The following BMPR1B variants were observed in gnomAD, a reference collection of about 807,000 sequenced individuals.
BMPR1B encodes bone morphogenetic protein receptor type 1B.
Under a neutral mutation model 59.1 loss-of-function variants are expected in BMPR1B, and 12 were observed. That is an observed-to-expected ratio of 0.20 (90% confidence interval 0.13 to 0.33). The LOEUF (loss-of-function observed/expected upper bound fraction) is 0.33. BMPR1B is among the 10% of genes least tolerant of loss of function. The probability of loss-of-function intolerance (pLI) is 1.00; values close to 1 mark genes in which losing one functional copy is unlikely to be tolerated. For missense variants in BMPR1B, 550 were observed against 610.9 expected (o/e 0.90, Z 1.05); for synonymous variants, 237 against 207.3 (o/e 1.14, Z -1.23).
chr4:94,975,735 T>G (rs143075045), intron 2 of BMPR1B, among the ~76,000 whole-genome samples: 1 of 152,320 alleles, frequency 6.6e-6, no homozygotes, highest in East Asian at 1.9e-4. Flanking sequence ...TGTTTTGGTT[T>G]TATTTCATGA....
At chr4:95,091,452 A>G (rs778787864) in intron 3 of BMPR1B, 4 of 985,238 alleles carry the variant, frequency 4.1e-6, no homozygotes, top group Non-Finnish European at 4.8e-6. Context: ...TGTATTAGGC[A>G]ACCACAGTCT....
intron 3 of BMPR1B, among the ~76,000 whole-genome samples, chr4:95,027,684 A>G (rs774317804): frequency 1.2e-4 from 18 of 152,204 alleles, no homozygotes; most frequent in Non-Finnish European, 2.2e-4. Flanking sequence ...TATCTTAAAT[A>G]TAATAGAACT....
At chr4:94,839,201 AGGTGT>A (rs1442602427) in intron 1 of BMPR1B, among the ~76,000 whole-genome samples, 3 of 128,098 alleles carry the variant, frequency 2.3e-5, no homozygotes, top group Admixed American at 7.9e-5. Flanking sequence ...ATTTTGGAAT[AGGTGT>A]GGTGTGGTGC....
At chr4:94,830,082 G>A (rs1222844523) in intron 1 of BMPR1B, among the ~76,000 whole-genome samples, 1 of 152,036 alleles carries the variant, frequency 6.6e-6, no homozygotes, top group African/African-American at 2.4e-5. Flanking sequence ...AGCTAGTTCT[G>A]ATAAGTAATA....
chr4:94,904,563 T>A (rs1356414369), intron 2 of BMPR1B, among the ~76,000 whole-genome samples: 1 of 152,052 alleles, frequency 6.6e-6, no homozygotes, highest in East Asian at 1.9e-4. Context: ...GATTTGTGAA[T>A]TACCTGTAAG....
At chr4:95,010,510 G>A (rs1723144119) in intron 3 of BMPR1B, among the ~76,000 whole-genome samples, 1 of 152,066 alleles carries the variant, frequency 6.6e-6, no homozygotes, top group Non-Finnish European at 1.5e-5. Flanking sequence ...GCTCTCATTA[G>A]TTGTCCCACT....
intron 2 of BMPR1B, among the ~76,000 whole-genome samples, chr4:94,970,640 T>C (rs979896799): frequency 6.6e-6 from 1 of 152,174 alleles, no homozygotes; most frequent in African/African-American, 2.4e-5. Flanking sequence ...AAGTTTTTTT[T>C]ATTTTTAATT....
rs75374833 is a variant in BMPR1B, at chr4:95,067,846, G to A, written c.-17-36562G>A. The stretch of plus-strand genomic sequence containing the variant: ...GAAAACATTCCCAGATGGAGGTCGC[G>A]GGGGCAAACAAATACAAAGAATACT... On this transcript the variant is annotated intron_variant, in intron 3 of 12. Transcript: ENST00000515059. 3.0e-3 allele frequency among the ~76,000 whole-genome samples: 452 copies of A among 152,232 alleles called. 1 individual carries two copies. The highest frequency in any genetic ancestry group is 0.01 in the African/African-American group (434 of 41,534).
At chr4:94,992,489 T>G (rs1010885779) in intron 2 of BMPR1B, among the ~76,000 whole-genome samples, 10 of 152,202 alleles carry the variant, frequency 6.6e-5, no homozygotes, top group Non-Finnish European at 1.3e-4. Context: ...GACAAGCCAC[T>G]TAGTAACACT....
intron 1 of BMPR1B, among the ~76,000 whole-genome samples, chr4:94,872,052 A>C (rs982537426): frequency 6.6e-6 from 1 of 152,228 alleles, no homozygotes; most frequent in Non-Finnish European, 1.5e-5. Flanking sequence ...TCTTAATGCT[A>C]TCTTTATAAT....
intron 1 of BMPR1B, among the ~76,000 whole-genome samples, chr4:94,838,595 C>A (rs201278003): frequency 7.2e-6 from 1 of 138,976 alleles, no homozygotes; most frequent in Non-Finnish European, 1.6e-5. Context: ...TCTGTTGGAT[C>A]GGTGGTGATA....
chr4:94,872,663 G>A (rs1486985305), intron 1 of BMPR1B, among the ~76,000 whole-genome samples: 7 of 152,140 alleles, frequency 4.6e-5, no homozygotes, highest in Non-Finnish European at 1.0e-4. Flanking sequence ...TGGGAGGATC[G>A]CTTGAGCCTG....
chr4:94,970,305 T>TCTTCTCTTCC lies in BMPR1B; in HGVS notation c.-112-25735_-112-25734insCTTCTCTTCC, dbSNP rs61339660. Among the ~76,000 whole-genome samples, 21 of 122,958 alleles carry TCTTCTCTTCC rather than the reference T, an allele frequency of 1.7e-4. 1 individual carries two copies. The highest frequency in any genetic ancestry group is 6.5e-4 in the African/African-American group (21 of 32,112). 80.7% of individuals were successfully genotyped at this position (122,958 alleles called of 152,430 possible). A position where few individuals can be genotyped will look rare whatever the true frequency, so the allele number is the denominator to read the frequency against. ...TCTTCTCTTCTCTTCTCTTCTCTTC[T>TCTTCTCTTCC]TTCTCTCTCTCTTTCTCTCTTTTTC... On this transcript the variant is annotated intron_variant, in intron 2 of 12. Coordinates refer to ENST00000515059, the MANE Select transcript of BMPR1B (RefSeq NM_001203.3).
intron 3 of BMPR1B, among the ~76,000 whole-genome samples, chr4:95,042,578 A>G (rs1332858211): frequency 3.9e-5 from 6 of 152,192 alleles, no homozygotes; most frequent in African/African-American, 1.4e-4. Flanking sequence ...TTGAAATCCA[A>G]AGCAGTTCTG....
At chr4:94,871,146 A>G (rs1213907131) in intron 1 of BMPR1B, among the ~76,000 whole-genome samples, 5 of 152,202 alleles carry the variant, frequency 3.3e-5, no homozygotes, top group African/African-American at 9.6e-5. Context: ...GCCCGATGTC[A>G]CACAGCCAGT....
At chr4:95,143,706 A>G (rs1009761759) in intron 10 of BMPR1B, among the ~76,000 whole-genome samples, 3 of 152,188 alleles carry the variant, frequency 2.0e-5, no homozygotes, top group Non-Finnish European at 4.4e-5. Context: ...AAATAATCCT[A>G]GCTGAGAGCA....
intron 2 of BMPR1B, among the ~76,000 whole-genome samples, chr4:94,979,789 C>T (rs1731163907): frequency 6.6e-6 from 1 of 152,200 alleles, no homozygotes; most frequent in South Asian, 2.1e-4. Context: ...TTCTTGGCCA[C>T]ACCAGCTTGG....
chr4:94,969,340 C>T (rs1391248281), intron 2 of BMPR1B, among the ~76,000 whole-genome samples: 1 of 152,070 alleles, frequency 6.6e-6, no homozygotes, highest in Non-Finnish European at 1.5e-5. Context: ...CGTCCATATC[C>T]TGAGTTTTCT....
chr4:94,768,122 C>G (rs369217131), intron 1 of BMPR1B, among the ~76,000 whole-genome samples: 1 of 151,842 alleles, frequency 6.6e-6, no homozygotes, highest in Non-Finnish European at 1.5e-5. Context: ...TATTTCAAGG[C>G]ACATTAAAGA....
Sources: allele counts gnomAD v4.1 joint callset (sites outside exome capture counted in the v4.1 genomes callset), GRCh38; gene constraint gnomAD v4.1.1; transcripts MANE v1.5; gene names NCBI Gene and HGNC (gene_info 2026-07-23, HGNC 2026-07-21).